The following ANKRD16 variants were observed in gnomAD, a reference collection of about 807,000 sequenced individuals.
ANKRD16 encodes ankyrin repeat domain-containing protein 16.
ANKRD16 carries 35 observed loss-of-function variants against 37.9 expected under a neutral mutation model. The observed-to-expected ratio is 0.92, with a 90% CI of 0.71 to 1.23. The LOEUF (loss-of-function observed/expected upper bound fraction) is 1.23. ANKRD16 is among the 50% of genes most tolerant of loss of function. The pLI is 0.00. For synonymous variants in ANKRD16, 206 were observed against 197.2 expected, an observed-to-expected ratio of 1.04 and a Z score of -0.37; for missense variants, 480 against 469.9, an observed-to-expected ratio of 1.02 and a Z score of -0.20.
rs1841964284 is a variant in ANKRD16 at position 5,863,082 on chromosome 10, C to CTGCCACGTCCCTGACTCCA, written c.*34-410_*34-392dup. Among the ~76,000 whole-genome samples, 1 of 152,122 alleles carries CTGCCACGTCCCTGACTCCA rather than the reference C, an allele frequency of 6.6e-6. No individual in the cohort carries two copies. Among genetic ancestry groups the CTGCCACGTCCCTGACTCCA allele is most frequent in the African/African-American group, 2.4e-5 (1 of 41,402 alleles). ...AGCTGCTGCTATACAGCCAGTGATC[C>CTGCCACGTCCCTGACTCCA]TGCCACGTCCCTGACTCCATGGGCT... On this transcript the variant is annotated intron_variant, in intron 7 of 7. Coordinates refer to ENST00000380094, the MANE Select transcript of ANKRD16 (RefSeq NM_019046.3). This position sits in a 1 kb window ranked among gnomAD's most constrained non-coding sequence, Gnocchi z 4.7.
Position 5,889,130 on chromosome 10 carries a change from C to G in ANKRD16, c.225G>C (p.Leu75=). 1 of 1,597,970 alleles carries G rather than the reference C, an allele frequency of 6.3e-7. No individual in the cohort carries two copies. The highest frequency in any genetic ancestry group is 1.1e-5 in the South Asian group (1 of 90,896). The change falls in exon 1 of 8, where the codon CTG becomes CTC. Residue 75 remains leucine, a synonymous_variant. Transcript: ENST00000380094. The part of the protein sequence containing the change: ...EATNRDYKRP[L]HEAASMGHRD... ...GGTGGCCCATGGAGGCCGCCTCGTG[C>G]AGAGGCCGCTTGTAGTCTCGGTTGG...
At position 5,871,989 on chromosome 10, in the gene ANKRD16, T is replaced by G. The variant is rs1842097121; in HGVS notation, c.*33+6108A>C. Among the ~76,000 whole-genome samples, 1 of 152,134 alleles carries G rather than the reference T, an allele frequency of 6.6e-6. No homozygotes were observed. Among genetic ancestry groups the G allele is most frequent in the East Asian group, 1.9e-4 (1 of 5,182 alleles). ...CTCCAGTGATCAAATCCAACAGCCGTTTCTGTCCCCAACCTGCCGCCCTTG... is the reference window on the plus strand; with the variant it reads ...CTCCAGTGATCAAATCCAACAGCCGGTTCTGTCCCCAACCTGCCGCCCTTG... On this transcript the variant is annotated intron_variant, in intron 7 of 7. Coordinates refer to ENST00000380094, the MANE Select transcript of ANKRD16 (RefSeq NM_019046.3). The surrounding 1 kb of genome is among the most constrained non-coding windows in gnomAD (Gnocchi z 4.5).
intron 2 of ANKRD16, among the ~76,000 whole-genome samples, chr10:5,886,026 A>G (rs1842418212): frequency 6.6e-6 from 1 of 152,222 alleles, no homozygotes; most frequent in South Asian, 2.1e-4. Context: ...GAAACTTTCA[A>G]TCCTAAAGTT....
intron 6 of ANKRD16, among the ~76,000 whole-genome samples, chr10:5,879,051 T>G (rs1842236288): frequency 6.6e-6 from 1 of 152,166 alleles, no homozygotes; most frequent in Non-Finnish European, 1.5e-5. Flanking sequence ...GTGTGCTGAG[T>G]TCAGGGGCAC....
In ANKRD16 at chr10:5,873,564, C is replaced by A. The variant is rs889068087; in HGVS notation, c.*33+4533G>T. Among the ~76,000 whole-genome samples the A allele has an allele frequency of 2.6e-5, 4 of 152,184 alleles. 1 individual carries two copies. Among genetic ancestry groups the A allele is most frequent in the Admixed American group, 2.0e-4 (3 of 15,276 alleles). On this transcript the variant is annotated intron_variant, in intron 7 of 7. Transcript: ENST00000380094. ...TTATTTTTGTTTTCTCCTTTACTAT[C>A]TTCTGTATTTTACAATAGGCCTTAC...
At position 5,862,527 on chromosome 10, in the gene ANKRD16, G is replaced by A. The variant is rs1457427757; in HGVS notation, c.*198C>T. 4 of 1,113,604 alleles carry A rather than the reference G, an allele frequency of 3.6e-6. No homozygotes were observed. The highest frequency in any genetic ancestry group is 4.8e-6 in the Non-Finnish European group (4 of 832,852). The allele number at this position is 1,113,604 out of a possible 1,614,324, so 69.0% of individuals were successfully genotyped here. On this transcript the variant is annotated 3_prime_UTR_variant, in exon 8 of 8. Transcript: ENST00000380094. This position sits in a 1 kb window ranked among gnomAD's most constrained non-coding sequence, Gnocchi z 6.5. Reference sequence around the variant, plus strand: ...GACCTTGGGGGCCAGTGCAGATGTGGCACTGACTTCACCACTGGTACACCT... The same window carrying A: ...GACCTTGGGGGCCAGTGCAGATGTGACACTGACTTCACCACTGGTACACCT...
chr10:5,881,439 T>TATAAAA (rs1491499689), intron 5 of ANKRD16, among the ~76,000 whole-genome samples: 250 of 6,934 alleles, frequency 0.036, 1 homozygote, highest in African/African-American at 0.067. Context: ...AAATATTATT[T>TATAAAA]ATATATATAT....
chr10:5,881,282 C>T (rs1239457125), intron 5 of ANKRD16, among the ~76,000 whole-genome samples: 1 of 150,900 alleles, frequency 6.6e-6, no homozygotes, highest in Non-Finnish European at 1.5e-5. Context: ...TTATACAGAA[C>T]CCAAAACTCT....
chr10:5,884,547 G>A (rs1203133103), intron 3 of ANKRD16, among the ~76,000 whole-genome samples: 1 of 152,010 alleles, frequency 6.6e-6, no homozygotes, highest in African/African-American at 2.4e-5. Flanking sequence ...CCTGGCCAAT[G>A]TGGTGAAACC....
chr10:5,873,028 C>CTT (rs573396387), intron 7 of ANKRD16, among the ~76,000 whole-genome samples: 6,016 of 116,052 alleles, frequency 0.052, 647 homozygotes, highest in African/African-American at 0.18. Flanking sequence ...CCTGGCTAAT[C>CTT]TTTTTTTTTT....
chr10:5,873,174 C>T (rs1182061635), intron 7 of ANKRD16, among the ~76,000 whole-genome samples: 5 of 152,030 alleles, frequency 3.3e-5, no homozygotes, highest in South Asian at 2.1e-4. Flanking sequence ...GAACTACAGT[C>T]GCATGCCACC....
At position 5,862,061 on chromosome 10, in the gene ANKRD16, C is replaced by G. The variant is rs751994318; in HGVS notation, c.*664G>C. 1.2e-5 allele frequency: 2 copies of G among 171,050 alleles called. No individual in the cohort carries two copies. Among genetic ancestry groups the G allele is most frequent in the Admixed American group, 5.8e-5 (1 of 17,224 alleles). 10.6% of individuals were successfully genotyped at this position (171,050 alleles called of 1,614,324 possible). On this transcript the variant is annotated 3_prime_UTR_variant, in exon 8 of 8. Coordinates refer to ENST00000380094, the MANE Select transcript of ANKRD16 (RefSeq NM_019046.3). The surrounding 1 kb of genome is among the most constrained non-coding windows in gnomAD (Gnocchi z 6.5). ...GGACTACAGGCGCCCACCACCATGC[C>G]TGGCTAATTTTTTTGTATTTTTAGT... is the stretch of plus-strand genomic sequence containing the variant.
At chr10:5,872,539 T>C (rs950367905) in intron 7 of ANKRD16, among the ~76,000 whole-genome samples, 8 of 152,060 alleles carry the variant, frequency 5.3e-5, no homozygotes, top group African/African-American at 1.7e-4. Flanking sequence ...CTCAACCGTA[T>C]GCATTTTATT....
intron 2 of ANKRD16, 140 bp downstream of exon 2, chr10:5,887,707 C>CCCCCCCCCT: frequency 1.0e-5 from 2 of 191,100 alleles, no homozygotes; most frequent in Admixed American, 5.9e-5. Flanking sequence ...CCCCTCCCCC[C>CCCCCCCCCT]CAGATGTTCT....
Position 5,889,180 on chromosome 10 carries a change from CCTCGGCCAGATAGGCCAG to C in ANKRD16, c.157_174del (p.Leu53_Glu58del). On this transcript the variant is annotated inframe_deletion, in exon 1 of 8. Transcript: ENST00000380094. ...GTGGCCTCGATGTCCATGCCCCAGG[CCTCGGCCAGATAGGCCAG>C]CACGTCCCGATGCCCGTGGCGCGCG... 6.3e-7 allele frequency: 1 copy of C among 1,598,242 alleles called. No individual in the cohort carries two copies. The highest frequency in any genetic ancestry group is 8.5e-7 in the Non-Finnish European group (1 of 1,179,416).
Position 5,871,457 on chromosome 10 carries a change from G to A in ANKRD16, c.*33+6640C>T, listed in dbSNP as rs762318250. 6.6e-6 allele frequency among the ~76,000 whole-genome samples: 1 copy of A among 152,106 alleles called. No individual in the cohort carries two copies. Among genetic ancestry groups the A allele is most frequent in the Non-Finnish European group, 1.5e-5 (1 of 68,020 alleles). On this transcript the variant is annotated intron_variant, in intron 7 of 7. Coordinates refer to ENST00000380094, the MANE Select transcript of ANKRD16 (RefSeq NM_019046.3). The surrounding 1 kb of genome is among the most constrained non-coding windows in gnomAD (Gnocchi z 4.5). ...ACCACATCACTCTTTCCAACTGAAAGAGTGTAATTTAAAAAAGTGTAAAAA... is the reference window on the plus strand; with the variant it reads ...ACCACATCACTCTTTCCAACTGAAAAAGTGTAATTTAAAAAAGTGTAAAAA...
In ANKRD16 at chr10:5,864,334, A is replaced by G. The variant is rs1841985112; in HGVS notation, c.*34-1643T>C. ...GCAAAGAAATCTCCAAGGGACCACA[A>G]CCTCCCCCCCACCCCTGCTATCGGT... On this transcript the variant is annotated intron_variant, in intron 7 of 7. Coordinates refer to ENST00000380094, the MANE Select transcript of ANKRD16 (RefSeq NM_019046.3). The surrounding 1 kb of genome is among the most constrained non-coding windows in gnomAD (Gnocchi z 4.4). Among the ~76,000 whole-genome samples the G allele has an allele frequency of 6.6e-6, 1 of 150,732 alleles. No individual in the cohort carries two copies. The highest frequency in any genetic ancestry group is 1.5e-5 in the Non-Finnish European group (1 of 67,746).
chr10:5,881,438 T>TTATAAAAATATATATATATATATATATA (rs1422263395), intron 5 of ANKRD16, among the ~76,000 whole-genome samples: 1 of 51,026 alleles, frequency 2.0e-5, no homozygotes, highest in African/African-American at 7.4e-5. Flanking sequence ...AAAATATTAT[T>TTATAAAAATATATATATATATATATATA]TATATATATA....
In ANKRD16 at chr10:5,863,868, C is replaced by T. The variant is rs368447334; in HGVS notation, c.*34-1177G>A. Among the ~76,000 whole-genome samples the T allele has an allele frequency of 1.6e-4, 24 of 152,100 alleles. No individual in the cohort carries two copies. The highest frequency in any genetic ancestry group is 3.9e-4 in the East Asian group (2 of 5,190). ...TTGTTGAAGTCAGTGAGACCAAGAA[C>T]GCACCAGAAGGAATAAAGTCCGGAT... is the stretch of plus-strand genomic sequence containing the variant. On this transcript the variant is annotated intron_variant, in intron 7 of 7. Transcript: ENST00000380094. The surrounding 1 kb of genome is among the most constrained non-coding windows in gnomAD (Gnocchi z 4.7).
Sources: gnomAD v4.1 joint callset for allele counts (sites outside exome capture counted in the v4.1 genomes callset) on GRCh38, gnomAD v4.1.1 for gene constraint, Gnocchi (gnomAD v3.1) non-coding constraint, MANE v1.5 for transcripts, NCBI Gene and HGNC (gene_info 2026-07-23, HGNC 2026-07-21) for gene names.